The following AHCYL2 variants were observed in gnomAD, a reference collection of about 807,000 sequenced individuals.
AHCYL2 encodes adenosylhomocysteinase like 2.
Under a neutral mutation model 81.4 loss-of-function variants are expected in AHCYL2, and 28 were observed. The ratio of observed to expected loss-of-function variants is 0.34; its 90% confidence interval spans 0.25 to 0.47. The LOEUF (loss-of-function observed/expected upper bound fraction) is 0.47, where lower values mean the gene tolerates loss of function less well. Among genes scored for constraint, AHCYL2 ranks in the 20% least tolerant of loss-of-function variants. The pLI is 1.00. For missense variants in AHCYL2, 551 were observed against 785.1 expected (o/e 0.70, Z 3.56); for synonymous variants, 272 against 290.2 (o/e 0.94, Z 0.64).
At position 129,233,339 on chromosome 7, in the gene AHCYL2, C is replaced by T. The variant is rs950280681; in HGVS notation, c.363+7900C>T. 7.2e-5 allele frequency among the ~76,000 whole-genome samples: 11 copies of T among 152,168 alleles called. No homozygotes were observed. In the South Asian group the frequency reaches 2.1e-3, roughly 29 times the overall value. Reference sequence around the variant, plus strand: ...AGCCAGAACTACAAGTGTGCTACCACGCCTGGCTATTTTTTTATTTTTTTG... The same window carrying T: ...AGCCAGAACTACAAGTGTGCTACCATGCCTGGCTATTTTTTTATTTTTTTG... On this transcript the variant is annotated intron_variant, in intron 1 of 16. Coordinates refer to ENST00000325006, the MANE Select transcript of AHCYL2 (RefSeq NM_015328.4).
chr7:129,314,918 T>C (rs1797779867), intron 1 of AHCYL2, among the ~76,000 whole-genome samples: 1 of 152,188 alleles, frequency 6.6e-6, no homozygotes, highest in Non-Finnish European at 1.5e-5. Context: ...TGCTGCTTTT[T>C]TTAGCTTTAT....
chr7:129,305,957 TG>T (rs1231391975), intron 1 of AHCYL2, among the ~76,000 whole-genome samples: 1 of 152,250 alleles, frequency 6.6e-6, no homozygotes, highest in Non-Finnish European at 1.5e-5. Flanking sequence ...AGAGGTCTGC[TG>T]GCAGATGTAT....
At chr7:129,297,012 T>C (rs1176835015) in intron 1 of AHCYL2, among the ~76,000 whole-genome samples, 1 of 152,198 alleles carries the variant, frequency 6.6e-6, no homozygotes, top group Non-Finnish European at 1.5e-5. Flanking sequence ...TATATTCTTT[T>C]TGAGATTTAA....
At chr7:129,234,471 C>G (rs965692590) in intron 1 of AHCYL2, among the ~76,000 whole-genome samples, 1 of 152,134 alleles carries the variant, frequency 6.6e-6, no homozygotes, top group African/African-American at 2.4e-5. Flanking sequence ...TCTGGAACTC[C>G]TGACCTTGTG....
rs770071386 is a variant in AHCYL2 at position 129,368,492 on chromosome 7, A to C, written c.364-11146A>C. ...CAGGACATATCTTACCCAAGCCTGCACTATGGAGAAGTGGGACGGTAATGA... is the reference window on the plus strand; with the variant it reads ...CAGGACATATCTTACCCAAGCCTGCCCTATGGAGAAGTGGGACGGTAATGA... On this transcript the variant is annotated intron_variant, in intron 1 of 16. Coordinates refer to ENST00000325006, the MANE Select transcript of AHCYL2 (RefSeq NM_015328.4). The surrounding 1 kb of genome is among the most constrained non-coding windows in gnomAD (Gnocchi z 4.4). 4 of 1,613,996 alleles carry C rather than the reference A, an allele frequency of 2.5e-6. No individual in the cohort carries two copies. In the South Asian group the frequency reaches 4.4e-5, roughly 18 times the overall value.
At chr7:129,404,456 A>G (rs528434886) in intron 7 of AHCYL2, among the ~76,000 whole-genome samples, 11 of 152,222 alleles carry the variant, frequency 7.2e-5, no homozygotes, top group African/African-American at 2.6e-4. Flanking sequence ...AATGTACAAA[A>G]CTGAGGTCAG....
chr7:129,372,137 C>T (rs1008999507), intron 1 of AHCYL2, among the ~76,000 whole-genome samples: 2 of 152,160 alleles, frequency 1.3e-5, no homozygotes, highest in Non-Finnish European at 2.9e-5. Flanking sequence ...AGGTTAAGAA[C>T]ACTTAATTTG....
chr7:129,317,732 A>G (rs1483684039), intron 1 of AHCYL2, among the ~76,000 whole-genome samples: 1 of 152,210 alleles, frequency 6.6e-6, no homozygotes, highest in African/African-American at 2.4e-5. Flanking sequence ...CTCTTGAAGC[A>G]GATCTGAGCA....
At chr7:129,423,502 A>G (rs1426144025) in intron 13 of AHCYL2, among the ~76,000 whole-genome samples, 1 of 152,114 alleles carries the variant, frequency 6.6e-6, no homozygotes, top group Admixed American at 6.5e-5. Flanking sequence ...ATTGGCTTCC[A>G]TGTCAGTGTT....
chr7:129,291,603 T>A (rs1184185217), intron 1 of AHCYL2, among the ~76,000 whole-genome samples: 2 of 151,124 alleles, frequency 1.3e-5, no homozygotes, highest in Non-Finnish European at 2.9e-5. Context: ...ACAAAGTCTT[T>A]TTTTTTTCTT....
chr7:129,385,683 C>T (rs1246847036), intron 2 of AHCYL2, among the ~76,000 whole-genome samples: 2 of 152,162 alleles, frequency 1.3e-5, no homozygotes, highest in Non-Finnish European at 2.9e-5. Context: ...GAATCTGTTA[C>T]AGTTTACAGT....
chr7:129,246,532 C>G (rs571392496), intron 1 of AHCYL2, among the ~76,000 whole-genome samples: 1 of 152,190 alleles, frequency 6.6e-6, no homozygotes. Context: ...GGATCTCGCT[C>G]TGTCACTCTG....
chr7:129,314,263 A>G (rs542777265), intron 1 of AHCYL2, among the ~76,000 whole-genome samples: 4 of 152,190 alleles, frequency 2.6e-5, no homozygotes, highest in Non-Finnish European at 5.9e-5. Flanking sequence ...CTGTCTCATA[A>G]TATCTTATAC....
rs142922877 is a variant in AHCYL2 at position 129,394,672 on chromosome 7, C to G, written c.721-2550C>G. 9.9e-3 allele frequency among the ~76,000 whole-genome samples: 1,500 copies of G among 151,968 alleles called. 28 individuals are homozygous for G. The highest frequency in any genetic ancestry group is 0.035 in the African/African-American group (1,434 of 41,500). On this transcript the variant is annotated intron_variant, in intron 4 of 16. Coordinates refer to ENST00000325006, the MANE Select transcript of AHCYL2 (RefSeq NM_015328.4). ...GTTGGTCAGGCTGGTCTCAAACTCCCGACCCCAGGTGATCTGCCCACCTTG... is the reference window on the plus strand; with the variant it reads ...GTTGGTCAGGCTGGTCTCAAACTCCGGACCCCAGGTGATCTGCCCACCTTG...
At chr7:129,340,023 A>G (rs1793111810) in intron 1 of AHCYL2, among the ~76,000 whole-genome samples, 1 of 139,366 alleles carries the variant, frequency 7.2e-6, no homozygotes, top group African/African-American at 2.7e-5. Context: ...GGTTCACGCC[A>G]TTCTTCTGCC....
intron 1 of AHCYL2, among the ~76,000 whole-genome samples, chr7:129,319,354 C>T (rs570442171): frequency 1.3e-5 from 2 of 151,992 alleles, no homozygotes; most frequent in African/African-American, 2.4e-5. Flanking sequence ...ACGTAGGAGG[C>T]TCAGGCAATC....
intron 1 of AHCYL2, among the ~76,000 whole-genome samples, chr7:129,366,457 T>G (rs987852934): frequency 6.6e-6 from 1 of 152,152 alleles, no homozygotes; most frequent in Non-Finnish European, 1.5e-5. Flanking sequence ...CCCAAACATC[T>G]GAGACAGGTC....
chr7:129,380,298 A>AGT, intron 2 of AHCYL2, among the ~76,000 whole-genome samples: 1 of 152,262 alleles, frequency 6.6e-6, no homozygotes, highest in Non-Finnish European at 1.5e-5. Context: ...CCTGGGACTG[A>AGT]GTTATCATTT....
At position 129,413,620 on chromosome 7, in the gene AHCYL2, CACTTGG is replaced by C; in HGVS notation, c.1396_1401del (p.Leu466_Asp467del). 6.2e-7 allele frequency: 1 copy of C among 1,614,104 alleles called. No homozygotes were observed. Among genetic ancestry groups the C allele is most frequent in the Non-Finnish European group, 8.5e-7 (1 of 1,179,980 alleles). The stretch of plus-strand genomic sequence containing the variant: ...TAACAAGAATGTGGTAACCAGAGAG[CACTTGG>C]ACCGTATGAAGAATAGCTGCATCGT... On this transcript the variant is annotated inframe_deletion, in exon 12 of 17. Coordinates refer to ENST00000325006, the MANE Select transcript of AHCYL2 (RefSeq NM_015328.4).
Sources: allele counts gnomAD v4.1 joint callset (sites outside exome capture counted in the v4.1 genomes callset), GRCh38; gene constraint gnomAD v4.1.1; non-coding constraint Gnocchi (gnomAD v3.1); transcripts MANE v1.5; gene names NCBI Gene and HGNC (gene_info 2026-07-23, HGNC 2026-07-21).